NECTIN1: variants seen among roughly 807,000 people sequenced by gnomAD.
NECTIN1 encodes the protein nectin-1.
NECTIN1 carries 23 observed loss-of-function variants against 48.0 expected under a neutral mutation model. That is an observed-to-expected ratio of 0.48 (90% CI 0.34 to 0.68). NECTIN1 has a LOEUF of 0.68. NECTIN1 is among the 30% of genes least tolerant of loss of function. The pLI is 0.01. For missense variants in NECTIN1, 591 were observed against 709.9 expected, an observed-to-expected ratio of 0.83 and a Z score of 1.90; for synonymous variants, 270 against 288.9, an observed-to-expected ratio of 0.93 and a Z score of 0.66.
Position 119,678,707 on chromosome 11 carries a change from G to A in NECTIN1, c.138C>T (p.Asp46=), listed in dbSNP as rs111847127. 1.4e-5 allele frequency: 22 copies of A among 1,613,860 alleles called. No homozygotes were observed. The highest frequency in any genetic ancestry group is 3.3e-5 in the South Asian group (3 of 91,050). Residue 46 remains aspartate (D), a synonymous_variant, in exon 2 of 6, where the codon GAC becomes GAT. Coordinates refer to ENST00000264025, the MANE Select transcript of NECTIN1 (RefSeq NM_002855.5). This position sits in a 1 kb window ranked among gnomAD's most constrained non-coding sequence, Gnocchi z 4.4. ...NDSMYGFIGT[D]VVLHCSFANP... ...TGGCAAAGCTGCAGTGCAGAACCAC[G>A]TCTGTGCCGATGAAGCCATACATGG...
intron 5 of NECTIN1, among the ~76,000 whole-genome samples, chr11:119,674,842 C>T (rs1363529092): frequency 3.9e-5 from 6 of 152,196 alleles, no homozygotes; most frequent in African/African-American, 2.4e-5. Context: ...CATCCCACAG[C>T]GTGTTCTGCT....
intron 1 of NECTIN1, among the ~76,000 whole-genome samples, chr11:119,690,597 G>C (rs1202088114): frequency 2.0e-5 from 3 of 152,200 alleles, no homozygotes; most frequent in Admixed American, 2.0e-4. Context: ...AGGAGGGCAG[G>C]TCCCCCAGGC....
At chr11:119,674,452 T>A in intron 5 of NECTIN1, 112 of 1,595,438 alleles carry the variant, frequency 7.0e-5, no homozygotes, top group Non-Finnish European at 9.4e-5. Flanking sequence ...TTGACTTACA[T>A]CACGTAGAAT....
intron 1 of NECTIN1, among the ~76,000 whole-genome samples, chr11:119,703,304 G>A (rs986317993): frequency 3.9e-5 from 6 of 152,246 alleles, no homozygotes; most frequent in African/African-American, 1.2e-4. Flanking sequence ...ACGTGCTGGA[G>A]GCCCAAGTAG....
Position 119,662,473 on chromosome 11 carries a change from TGGA to T in NECTIN1, c.*2271_*2273del, listed in dbSNP as rs878992906. 1 of 985,668 alleles carries T rather than the reference TGGA, an allele frequency of 1.0e-6. No individual in the cohort carries two copies. Among genetic ancestry groups the T allele is most frequent in the South Asian group, 4.7e-5 (1 of 21,276 alleles). The allele number at this position is 985,668 out of a possible 1,614,324, so 61.1% of individuals were successfully genotyped here. A position where few individuals can be genotyped will look rare whatever the true frequency, so the allele number is the denominator to read the frequency against. On this transcript the variant is annotated 3_prime_UTR_variant, in exon 6 of 6. Coordinates refer to ENST00000264025, the MANE Select transcript of NECTIN1 (RefSeq NM_002855.5). The surrounding 1 kb of genome is among the most constrained non-coding windows in gnomAD (Gnocchi z 5.3). ...TTGTGCTTTGCTTGTGGGGAGGGTG[TGGA>T]GGTGTCTTAAGGGGGAACTCAGTGC...
intron 5 of NECTIN1, among the ~76,000 whole-genome samples, chr11:119,670,914 C>G (rs1394573709): frequency 6.6e-6 from 1 of 152,028 alleles, no homozygotes; most frequent in African/African-American, 2.4e-5. Context: ...GCTGGGATTA[C>G]AGGTGTGAGC....
intron 1 of NECTIN1, among the ~76,000 whole-genome samples, chr11:119,710,290 T>C (rs937105382): frequency 5.3e-5 from 8 of 152,192 alleles, no homozygotes; most frequent in African/African-American, 1.9e-4. Flanking sequence ...GGCAGAGTCA[T>C]TGCACAGACA....
intron 5 of NECTIN1, among the ~76,000 whole-genome samples, chr11:119,651,126 A>C (rs1334642004): frequency 1.3e-5 from 2 of 152,162 alleles, no homozygotes; most frequent in Non-Finnish European, 2.9e-5. Context: ...CCATGAGCCC[A>C]GGCTTTGGAA....
intron 4 of NECTIN1, among the ~76,000 whole-genome samples, chr11:119,675,898 C>T (rs146270974): frequency 1.4e-3 from 210 of 151,838 alleles, no homozygotes; most frequent in African/African-American, 4.8e-3. Context: ...CCCAGTTACT[C>T]GGGAGGGTGA....
intron 5 of NECTIN1, among the ~76,000 whole-genome samples, chr11:119,645,707 T>G (rs1591436916): frequency 6.6e-6 from 1 of 152,180 alleles, no homozygotes; most frequent in Non-Finnish European, 1.5e-5. Flanking sequence ...GTCCCAGAAC[T>G]GCAAGCTGGG....
chr11:119,641,569 G>A (rs1321341356), intron 5 of NECTIN1: 1 of 149,440 alleles, frequency 6.7e-6, no homozygotes, highest in African/African-American at 2.6e-5. Context: ...CTGTCTGCCA[G>A]GGTCTCTCTT....
Position 119,709,525 on chromosome 11 carries a change from T to A in NECTIN1, c.79+18950A>T, listed in dbSNP as rs998132653. 1.4e-4 allele frequency among the ~76,000 whole-genome samples: 21 copies of A among 151,430 alleles called. No individual in the cohort carries two copies. The highest frequency in any genetic ancestry group is 2.5e-4 in the Non-Finnish European group (17 of 67,834). On this transcript the variant is annotated intron_variant, in intron 1 of 5. Transcript: ENST00000264025. The surrounding 1 kb of genome is among the most constrained non-coding windows in gnomAD (Gnocchi z 4.1). ...GTGAGGAAGCACTCACTTCCAGGGG[T>A]GGAGGTTCAGGGGTTGGGGAAGGGA...
At chr11:119,674,962 C>A (rs930606118) in intron 5 of NECTIN1, among the ~76,000 whole-genome samples, 197 bp downstream of exon 5, 3 of 152,300 alleles carry the variant, frequency 2.0e-5, no homozygotes, top group Admixed American at 6.5e-5. Context: ...TTGGGGGTCA[C>A]CCTGACTGTC....
At chr11:119,644,407 CT>C (rs1374959708) in intron 5 of NECTIN1, among the ~76,000 whole-genome samples, 2 of 152,228 alleles carry the variant, frequency 1.3e-5, no homozygotes, top group Non-Finnish European at 2.9e-5. Context: ...GACCACCCCC[CT>C]CTCAGCCAGA....
chr11:119,656,390 C>G (rs1446333773), downstream of NECTIN1: 1 of 152,182 alleles, frequency 6.6e-6, no homozygotes, highest in Non-Finnish European at 1.5e-5. Flanking sequence ...AGATGACATG[C>G]AAATTTGTGA....
intron 1 of NECTIN1, among the ~76,000 whole-genome samples, chr11:119,695,109 T>G (rs1326426394): frequency 1.3e-5 from 2 of 152,174 alleles, no homozygotes; most frequent in Non-Finnish European, 2.9e-5. Flanking sequence ...CCCAGTATGC[T>G]GAGAAACTGA....
intron 5 of NECTIN1, among the ~76,000 whole-genome samples, chr11:119,667,445 C>T (rs1591450819): frequency 1.3e-5 from 2 of 152,296 alleles, no homozygotes; most frequent in South Asian, 4.1e-4. Context: ...AAAGGACACT[C>T]AGAGACAGCA....
Position 119,665,591 on chromosome 11 carries a change from C to G in NECTIN1, c.1004-294G>C, listed in dbSNP as rs1864754924. ...TGGTGTGGTGCTGGCCCAGCTCAAT[C>G]CCTATTCATGGTGCAGTGAGACACG... On this transcript the variant is annotated intron_variant, in intron 5 of 5. Coordinates refer to ENST00000264025, the MANE Select transcript of NECTIN1 (RefSeq NM_002855.5). This position sits in a 1 kb window ranked among gnomAD's most constrained non-coding sequence, Gnocchi z 5.1. Among the ~76,000 whole-genome samples, 1 of 152,146 alleles carries G rather than the reference C, an allele frequency of 6.6e-6. No individual in the cohort carries two copies. The highest frequency in any genetic ancestry group is 2.4e-5 in the African/African-American group (1 of 41,442).
rs1864982662 is a variant in NECTIN1, at chr11:119,677,703, G to A, written c.585C>T (p.Tyr195=). 6.2e-7 allele frequency: 1 copy of A among 1,614,004 alleles called. No homozygotes were observed. The highest frequency in any genetic ancestry group is 8.5e-7 in the Non-Finnish European group (1 of 1,180,026). The change falls in exon 3 of 6, where the codon TAC becomes TAT. Residue 195 remains tyrosine, a synonymous_variant. Coordinates refer to ENST00000264025, the MANE Select transcript of NECTIN1 (RefSeq NM_002855.5). This position sits in a 1 kb window ranked among gnomAD's most constrained non-coding sequence, Gnocchi z 5.4. ...TGCCATTGGGGTTCCGGATCTCCTG[G>A]TACTCTGCCTCACCTTTTAACCGAG... ...WETRLKGEAE[Y]QEIRNPNGTV... is the part of the protein sequence containing the mutation.
Sources: gnomAD v4.1 joint callset for allele counts (sites outside exome capture counted in the v4.1 genomes callset) on GRCh38, gnomAD v4.1.1 for gene constraint, Gnocchi (gnomAD v3.1) non-coding constraint, MANE v1.5 for transcripts, NCBI Gene and HGNC (gene_info 2026-07-23, HGNC 2026-07-21) for gene names.